Variants in FBXW10 observed in about 807,000 individuals in gnomAD.
FBXW10 encodes the protein F-box/WD repeat-containing protein 10.
FBXW10 carries 68 observed loss-of-function variants against 113.1 expected under a neutral mutation model. The ratio of observed to expected loss-of-function variants is 0.60; its 90% CI spans 0.49 to 0.74. The LOEUF (loss-of-function observed/expected upper bound fraction) is 0.74, where lower values mean the gene tolerates loss of function less well. Among genes scored for constraint, FBXW10 ranks in the 30% least tolerant of loss-of-function variants. The pLI, the probability that FBXW10 is intolerant of heterozygous loss-of-function variation, is 0.00. For synonymous variants in FBXW10, 289 were observed against 481.6 expected (o/e 0.60, Z 5.24); for missense variants, 753 against 1,284.5 (o/e 0.59, Z 6.32).
chr17:18,754,825 C>T (rs906084787), intron 5 of FBXW10, among the ~76,000 whole-genome samples: 1 of 152,184 alleles, frequency 6.6e-6, no homozygotes, highest in Non-Finnish European at 1.5e-5. Flanking sequence ...GCGCCCTTGT[C>T]ACGACTTGAT....
At chr17:18,750,617 T>C (rs1384611086) in intron 4 of FBXW10, among the ~76,000 whole-genome samples, 1 of 116,510 alleles carries the variant, frequency 8.6e-6, no homozygotes, top group African/African-American at 3.4e-5. Context: ...AACCATGGAT[T>C]TTGGTAACTT....
rs140982768 is a variant in FBXW10 at position 18,768,630 on chromosome 17, A to C, written c.1801A>C (p.Met601Leu). The C allele has an allele frequency of 1.2e-6, 2 of 1,613,862 alleles. No individual in the cohort carries two copies. Among genetic ancestry groups the C allele is most frequent in the African/African-American group, 1.3e-5 (1 of 74,912 alleles). ...TGATGGCCTGGTCATGGCCTGGAGC[A>C]TGGTGGGGAAGTACGAGCGCTGCCT... is the stretch of plus-strand genomic sequence containing the variant. Reference protein sequence around the residue: ...STDGLVMAWSMVGKYERCLMA... With the variant: ...STDGLVMAWSLVGKYERCLMA... Residue 601 changes from methionine (M) to leucine (L), a missense_variant, in exon 10 of 14, where the codon ATG (methionine) becomes CTG (leucine). Physicochemically the swap from Met to Leu is conservative, Grantham distance 15. Transcript: ENST00000395665.
At chr17:18,752,197 C>T (rs765119598) in intron 5 of FBXW10, among the ~76,000 whole-genome samples, 2 of 152,006 alleles carry the variant, frequency 1.3e-5, no homozygotes, top group African/African-American at 2.4e-5. Flanking sequence ...CAGTAGCGGA[C>T]GGTGTGGCTG....
At chr17:18,768,026 T>TCTTCCTTC (rs72275127) in intron 9 of FBXW10, among the ~76,000 whole-genome samples, 1,400 of 135,764 alleles carry the variant, frequency 0.01, 20 homozygotes, top group Middle Eastern at 0.022. Context: ...TTCCTTCCTT[T>TCTTCCTTC]CTTCCTTCCT....
intron 2 of FBXW10, among the ~76,000 whole-genome samples, chr17:18,748,658 C>T (rs1343571712): frequency 1.3e-5 from 2 of 152,032 alleles, no homozygotes; most frequent in African/African-American, 2.4e-5. Context: ...ATATTTGCAC[C>T]TCTCCGCTGC....
intron 8 of FBXW10, 108 bp downstream of exon 8, chr17:18,764,971 TCATC>T (rs902111195): frequency 1.7e-5 from 27 of 1,605,364 alleles, no homozygotes; most frequent in Middle Eastern, 1.7e-4. Context: ...TTATTCTTTA[TCATC>T]CATCCATCCA....
rs1293922371 is a variant in FBXW10, at chr17:18,755,991, C to T, written c.1123-54C>T. On this transcript the variant is annotated intron_variant, in intron 5 of 13. Transcript: ENST00000395665. ...CAGGGAGACCCTAGGGGCTCTGGGA[C>T]TGTGGGTATTTGAAGTTACCACTGA... is the stretch of plus-strand genomic sequence containing the variant. 1.6e-5 allele frequency: 24 copies of T among 1,543,392 alleles called. No homozygotes were observed. The Admixed American group carries it at 4.3e-4, about 27-fold the overall frequency.
At chr17:18,777,602 G>A (rs1017422064) in intron 13 of FBXW10, among the ~76,000 whole-genome samples, 1 of 150,236 alleles carries the variant, frequency 6.7e-6, no homozygotes, top group African/African-American at 2.5e-5. Flanking sequence ...GGAGTGCAGT[G>A]GCGCGATCTT....
At chr17:18,772,799 G>T (rs939081818) in intron 12 of FBXW10, 116 bp downstream of exon 12, 12 of 850,120 alleles carry the variant, frequency 1.4e-5, no homozygotes, top group Non-Finnish European at 2.1e-5. Flanking sequence ...TTGGCCAGTG[G>T]TTTCCTGAGG....
chr17:18,769,632 C>A, intron 10 of FBXW10: 1 of 292,664 alleles, frequency 3.4e-6, no homozygotes, highest in South Asian at 5.9e-5. Context: ...AAAAAATTAG[C>A]CAGGTGTGGT....
chr17:18,756,139 G>C lies in FBXW10; in HGVS notation c.1217G>C (p.Arg406Pro), dbSNP rs749433523. ...GTTTTCTGTGGGACCTACAATGTTC[G>C]CATTCTCTCTGACACGTAGGTACTG... Reference protein sequence around the residue: ...RNVFCGTYNVRILSDTWDQNR... With the variant: ...RNVFCGTYNVPILSDTWDQNR... The change falls in exon 6 of 14, where the codon CGC (arginine) becomes CCC (proline). Residue 406 changes from arginine to proline, a missense_variant. By Grantham distance (103) the Arg-to-Pro change is moderately radical. Transcript: ENST00000395665. The C allele has an allele frequency of 6.2e-7, 1 of 1,613,632 alleles. No homozygotes were observed. The highest frequency in any genetic ancestry group is 8.5e-7 in the Non-Finnish European group (1 of 1,179,808).
chr17:18,744,932 G>A, intron 1 of FBXW10, 183 bp downstream of exon 1: 1 of 1,448,982 alleles, frequency 6.9e-7, no homozygotes, highest in Admixed American at 2.8e-5. Context: ...AAGGAGAAAT[G>A]ACTGAGTGTA....
intron 7 of FBXW10, among the ~76,000 whole-genome samples, chr17:18,763,396 T>C (rs2035425235): frequency 6.6e-6 from 1 of 152,056 alleles, no homozygotes; most frequent in African/African-American, 2.4e-5. Context: ...GACCTCGTGA[T>C]CTGCTTGCCT....
intron 7 of FBXW10, among the ~76,000 whole-genome samples, chr17:18,758,943 A>G (rs1479416438): frequency 2.0e-5 from 3 of 152,098 alleles, no homozygotes; most frequent in Non-Finnish European, 4.4e-5. Context: ...TGAGGTGGGC[A>G]GGTCACGAGG....
intron 12 of FBXW10, among the ~76,000 whole-genome samples, chr17:18,772,928 C>CTTTT (rs940811811): frequency 2.2e-4 from 30 of 135,634 alleles, no homozygotes; most frequent in South Asian, 4.6e-4. Flanking sequence ...TTCTTTCTTT[C>CTTTT]TTTTTTTTTT....
intron 13 of FBXW10, among the ~76,000 whole-genome samples, chr17:18,776,671 A>G (rs1704139912): frequency 6.6e-6 from 1 of 152,142 alleles, no homozygotes; most frequent in African/African-American, 2.4e-5. Context: ...TACTGTATCA[A>G]TTTACACTCC....
rs2035254385 is a variant in FBXW10, at chr17:18,756,060, T to C, written c.1138T>C (p.Trp380Arg). The C allele has an allele frequency of 1.9e-6, 3 of 1,613,798 alleles. No individual in the cohort carries two copies. Among genetic ancestry groups the C allele is most frequent in the African/African-American group, 1.3e-5 (1 of 74,910 alleles). Residue 380 changes from tryptophan to arginine, a missense_variant, in exon 6 of 14, where the codon TGG becomes CGG. Transcript: ENST00000395665. Reference sequence around the variant, plus strand: ...CCCTTGTTAGAATGAGTACAACCTGTGGACTGCATACCAGAACGAGGAAAC... The same window carrying C: ...CCCTTGTTAGAATGAGTACAACCTGCGGACTGCATACCAGAACGAGGAAAC... ...KLRTKNEYNL[W>R]TAYQNEETQQ...
intron 6 of FBXW10, 113 bp downstream of exon 6, chr17:18,756,267 A>G: frequency 1.1e-6 from 1 of 908,744 alleles, no homozygotes. Flanking sequence ...CCTCACCTCA[A>G]GCTCCAGCCC....
intron 2 of FBXW10, among the ~76,000 whole-genome samples, 180 bp from the exon 3 acceptor site, chr17:18,749,542 G>A (rs1222483285): frequency 9.5e-6 from 1 of 105,278 alleles, no homozygotes; most frequent in African/African-American, 3.9e-5. Flanking sequence ...GCGAGACTCC[G>A]TCTCAAAAAA....
Sources: gnomAD v4.1 joint callset for allele counts (sites outside exome capture counted in the v4.1 genomes callset) on GRCh38, gnomAD v4.1.1 for gene constraint, MANE v1.5 for transcripts, NCBI Gene and HGNC (gene_info 2026-07-23, HGNC 2026-07-21) for gene names.